The following KCNC2 variants were observed in gnomAD, a reference collection of about 807,000 sequenced individuals.
The protein encoded by KCNC2 is potassium voltage-gated channel subfamily C member 2, also known as voltage-gated potassium channel KCNC2.
KCNC2 carries 21 observed loss-of-function variants against 44.5 expected under a neutral mutation model. That is an observed-to-expected ratio of 0.47 (90% CI 0.33 to 0.68). The LOEUF is 0.68. KCNC2 is among the 30% of genes least tolerant of loss of function. The pLI, the probability that KCNC2 is intolerant of heterozygous loss-of-function variation, is 0.01. For synonymous variants in KCNC2, 391 were observed against 339.1 expected (o/e 1.15, Z -1.68); for missense variants, 589 against 826.2 (o/e 0.71, Z 3.52).
rs145550400 is a variant in KCNC2 at position 75,116,755 on chromosome 12, T to C, written c.688-65438A>G. Reference sequence around the variant, plus strand: ...TCTCTGTCCTGGCAGTCTCAGCCTGTAGCCTGTACCCACCCTTCTTAACGG... The same window carrying C: ...TCTCTGTCCTGGCAGTCTCAGCCTGCAGCCTGTACCCACCCTTCTTAACGG... On this transcript the variant is annotated intron_variant, in intron 2 of 4. Transcript: ENST00000549446. Among the ~76,000 whole-genome samples, 3 of 152,310 alleles carry C rather than the reference T, an allele frequency of 2.0e-5. No homozygotes were observed. The East Asian group carries it at 5.8e-4, about 29-fold the overall frequency.
chr12:75,050,417 T>G lies in KCNC2; in HGVS notation c.1588A>C (p.Asn530His). 1 of 1,612,402 alleles carries G rather than the reference T, an allele frequency of 6.2e-7. No homozygotes were observed. The change falls in exon 3 of 5, where the codon AAT (asparagine) becomes CAT (histidine). Residue 530 changes from asparagine to histidine, a missense_variant. Transcript: ENST00000549446. ...TQSDTCLGKD[N>H]RLLEHNRSVL... ...GATCTGTTATGTTCCAGAAGTCGAT[T>G]GTCTTTGCCCAGACATGTGTCACTC... is the stretch of plus-strand genomic sequence containing the variant.
At chr12:75,201,825 T>A (rs913527438) in intron 2 of KCNC2, among the ~76,000 whole-genome samples, 1 of 151,918 alleles carries the variant, frequency 6.6e-6, no homozygotes, top group Non-Finnish European at 1.5e-5. Context: ...CAGAATTGAA[T>A]TAAGTTTATG....
chr12:75,187,233 C>T (rs1305428749), intron 2 of KCNC2, among the ~76,000 whole-genome samples: 1 of 152,158 alleles, frequency 6.6e-6, no homozygotes, highest in Non-Finnish European at 1.5e-5. Context: ...GTGTGTGACT[C>T]AGTACCCAAA....
rs1239200196 is a variant in KCNC2, at chr12:75,042,869, G to A, written c.*236C>T. 18 of 1,312,172 alleles carry A rather than the reference G, an allele frequency of 1.4e-5. No individual in the cohort carries two copies. Among genetic ancestry groups the A allele is most frequent in the Non-Finnish European group, 1.6e-5 (16 of 1,032,196 alleles). 81.3% of individuals were successfully genotyped at this position (1,312,172 alleles called of 1,614,324 possible). A position where few individuals can be genotyped will look rare whatever the true frequency, so the allele number is the denominator to read the frequency against. ...ACTATCTGTCATTTTATTGCAAAAG[G>A]ATATCAGGGCAATTAATAGGAGGGA... is the stretch of plus-strand genomic sequence containing the variant. On this transcript the variant is annotated 3_prime_UTR_variant, in exon 5 of 5. Transcript: ENST00000549446.
intron 2 of KCNC2, among the ~76,000 whole-genome samples, chr12:75,086,852 T>C (rs1157556750): frequency 6.6e-6 from 1 of 151,866 alleles, no homozygotes; most frequent in Non-Finnish European, 1.5e-5. Context: ...GTTTCTTTGG[T>C]AGTTGACTCA....
intron 2 of KCNC2, among the ~76,000 whole-genome samples, chr12:75,098,710 G>C (rs1388703457): frequency 6.6e-6 from 1 of 151,892 alleles, no homozygotes; most frequent in African/African-American, 2.4e-5. Flanking sequence ...AGTGAGCTGA[G>C]ATCATGCCAC....
chr12:75,113,063 G>A (rs1017452535), intron 2 of KCNC2, among the ~76,000 whole-genome samples: 1 of 152,030 alleles, frequency 6.6e-6, no homozygotes, highest in Non-Finnish European at 1.5e-5. Context: ...TAACTCAAAG[G>A]ATAAGCAATA....
At chr12:75,169,768 A>G (rs1175257221) in intron 2 of KCNC2, among the ~76,000 whole-genome samples, 1 of 151,682 alleles carries the variant, frequency 6.6e-6, no homozygotes, top group Non-Finnish European at 1.5e-5. Flanking sequence ...AGCTATTAAT[A>G]AAAGATAAAG....
At chr12:75,204,907 T>A (rs578034643) in intron 2 of KCNC2, among the ~76,000 whole-genome samples, 1 of 152,258 alleles carries the variant, frequency 6.6e-6, no homozygotes, top group African/African-American at 2.4e-5. Flanking sequence ...CCCTGACTGG[T>A]CAATAAAAAT....
intron 2 of KCNC2, among the ~76,000 whole-genome samples, chr12:75,198,215 G>A (rs2030942890): frequency 1.3e-5 from 2 of 151,924 alleles, no homozygotes; most frequent in East Asian, 1.9e-4. Context: ...TCAACATTAT[G>A]TGCCTGGGAA....
intron 2 of KCNC2, among the ~76,000 whole-genome samples, chr12:75,141,956 T>A (rs12296755): frequency 0.19 from 28,791 of 152,118 alleles, 3,831 homozygotes; most frequent in African/African-American, 0.37. Context: ...ATTCACTCAT[T>A]CTGTACTCAT....
chr12:75,152,907 G>A (rs1055283463), intron 2 of KCNC2, among the ~76,000 whole-genome samples: 17 of 151,858 alleles, frequency 1.1e-4, no homozygotes, highest in East Asian at 1.9e-4. Flanking sequence ...CACAACATTC[G>A]AAAATTAGAG....
At chr12:75,100,537 T>A (rs889478615) in intron 2 of KCNC2, among the ~76,000 whole-genome samples, 2 of 146,596 alleles carry the variant, frequency 1.4e-5, no homozygotes, top group African/African-American at 5.2e-5. Context: ...ATTAAGAAGA[T>A]CTTAAAATTT....
intron 2 of KCNC2, among the ~76,000 whole-genome samples, chr12:75,191,323 G>C (rs945886836): frequency 1.3e-5 from 2 of 151,232 alleles, no homozygotes; most frequent in South Asian, 2.1e-4. Flanking sequence ...ATTTTTAATA[G>C]TCTTTGGGGA....
chr12:75,118,550 C>G (rs951576183), intron 2 of KCNC2, among the ~76,000 whole-genome samples: 7 of 151,844 alleles, frequency 4.6e-5, no homozygotes, highest in African/African-American at 1.7e-4. Context: ...CTGAAGCATG[C>G]TGGCAAAGAG....
At chr12:75,140,505 A>G (rs989607933) in intron 2 of KCNC2, among the ~76,000 whole-genome samples, 4 of 152,208 alleles carry the variant, frequency 2.6e-5, no homozygotes, top group Non-Finnish European at 4.4e-5. Context: ...TAAGTTGATC[A>G]ATGTCTTCCC....
intron 2 of KCNC2, among the ~76,000 whole-genome samples, chr12:75,096,809 G>A (rs1248942575): frequency 1.3e-5 from 2 of 152,004 alleles, no homozygotes; most frequent in African/African-American, 4.8e-5. Flanking sequence ...AATCAAGCAG[G>A]TCATAAGGTT....
chr12:75,114,721 A>T (rs1363002973), intron 2 of KCNC2, among the ~76,000 whole-genome samples: 1 of 152,032 alleles, frequency 6.6e-6, no homozygotes, highest in Admixed American at 6.6e-5. Context: ...GTTCACAAAT[A>T]CTACTTCACA....
At chr12:75,100,063 C>T (rs1001184034) in intron 2 of KCNC2, among the ~76,000 whole-genome samples, 2 of 152,120 alleles carry the variant, frequency 1.3e-5, no homozygotes, top group Admixed American at 1.3e-4. Flanking sequence ...TTTTACTCCT[C>T]TTTCTACCAG....
Sources: gnomAD v4.1 joint callset for allele counts (sites outside exome capture counted in the v4.1 genomes callset) on GRCh38, gnomAD v4.1.1 for gene constraint, MANE v1.5 for transcripts, NCBI Gene and HGNC (gene_info 2026-07-23, HGNC 2026-07-21) for gene names.